The following MYRFL variants were observed in gnomAD, a reference collection of about 807,000 sequenced individuals.
MYRFL encodes myelin regulatory factor like.
Under a neutral mutation model 109.4 loss-of-function variants are expected in MYRFL, and 88 were observed. The observed-to-expected ratio is 0.80, with a 90% CI of 0.68 to 0.96. MYRFL has a LOEUF of 0.96. MYRFL is among the 40% of genes least tolerant of loss of function. MYRFL has a pLI of 0.00. For missense variants in MYRFL, 957 were observed against 954.9 expected (o/e 1.00, Z -0.03); for synonymous variants, 324 against 320.9 (o/e 1.01, Z -0.10).
At chr12:69,848,010 A>T (rs1883659046) in intron 1 of MYRFL, among the ~76,000 whole-genome samples, 1 of 152,124 alleles carries the variant, frequency 6.6e-6, no homozygotes, top group Non-Finnish European at 1.5e-5. Flanking sequence ...ATTATGGTTT[A>T]TCTAAATCCT....
chr12:69,933,915 A>G (rs1257567738), intron 16 of MYRFL, among the ~76,000 whole-genome samples: 2 of 152,132 alleles, frequency 1.3e-5, no homozygotes, highest in Non-Finnish European at 2.9e-5. Flanking sequence ...CTAAGACTGT[A>G]GATGGTAGGT....
rs745696599 is a variant in MYRFL at position 69,825,296 on chromosome 12, T to A, written c.-222T>A. 2.2e-5 allele frequency: 15 copies of A among 679,292 alleles called. No individual in the cohort carries two copies. The highest frequency in any genetic ancestry group is 3.5e-5 in the Non-Finnish European group (13 of 374,438). The allele number at this position is 679,292 out of a possible 1,614,324, so 42.1% of individuals were successfully genotyped here. ...CTCTTCCCTCTTCATGAATTTTTTT[T>A]AAATGTATGGTTGTATATCCTTCCA... is the stretch of plus-strand genomic sequence containing the variant. On this transcript the variant is annotated 5_prime_UTR_variant, in exon 1 of 25. It removes the in-frame stop codon of an upstream open reading frame in the 5' UTR. Coordinates refer to ENST00000552032, the MANE Select transcript of MYRFL (RefSeq NM_182530.3).
Position 69,958,373 on chromosome 12 carries a change from A to T in MYRFL, c.2646+50A>T, listed in dbSNP as rs74855150. ...TTCAGTGAGAAAGAAATTGAGCAAT[A>T]AAAAAAAATCACTTTAACCACAGTT... On this transcript the variant is annotated intron_variant, in intron 24 of 24. Transcript: ENST00000552032. 6.7e-3 allele frequency: 9,910 copies of T among 1,474,568 alleles called. 562 individuals are homozygous for T. In the African/African-American group the frequency reaches 0.12, roughly 18 times the overall value. 91.3% of individuals were successfully genotyped at this position (1,474,568 alleles called of 1,614,324 possible). A position where few individuals can be genotyped will look rare whatever the true frequency, so the allele number is the denominator to read the frequency against.
chr12:69,883,554 A>G (rs1447592708), intron 5 of MYRFL, among the ~76,000 whole-genome samples: 1 of 152,090 alleles, frequency 6.6e-6, no homozygotes, highest in Non-Finnish European at 1.5e-5. Flanking sequence ...TCCCATAAAC[A>G]TACTGTTGGG....
intron 19 of MYRFL, among the ~76,000 whole-genome samples, chr12:69,938,107 T>C (rs1354617665): frequency 1.3e-5 from 2 of 152,148 alleles, no homozygotes; most frequent in African/African-American, 4.8e-5. Flanking sequence ...CACTATGGAG[T>C]AGAACTAAAA....
intron 1 of MYRFL, among the ~76,000 whole-genome samples, chr12:69,827,828 G>A (rs1882383320): frequency 6.6e-6 from 1 of 151,948 alleles, no homozygotes; most frequent in Admixed American, 6.6e-5. Flanking sequence ...ACTTTCTATA[G>A]CAAAGTTTAT....
chr12:69,938,956 C>G (rs1416206534), intron 19 of MYRFL, among the ~76,000 whole-genome samples: 1 of 152,204 alleles, frequency 6.6e-6, no homozygotes, highest in Non-Finnish European at 1.5e-5. Context: ...AATCGGGTCA[C>G]TCCCACCCGA....
At chr12:69,940,737 G>C (rs1256133876) in intron 19 of MYRFL, among the ~76,000 whole-genome samples, 1 of 146,412 alleles carries the variant, frequency 6.8e-6, no homozygotes, top group Non-Finnish European at 1.5e-5. Flanking sequence ...ACACAGACTG[G>C]CAAATTGGAT....
intron 2 of MYRFL, among the ~76,000 whole-genome samples, chr12:69,860,964 T>G (rs1884621775): frequency 6.9e-6 from 1 of 145,516 alleles, no homozygotes; most frequent in African/African-American, 2.5e-5. Flanking sequence ...GTTCTCATTG[T>G]TCAGTTCCCA....
At chr12:69,875,129 A>ATT (rs61391400) in intron 2 of MYRFL, among the ~76,000 whole-genome samples, 1,658 of 149,252 alleles carry the variant, frequency 0.011, 8 homozygotes, top group Middle Eastern at 0.034. Flanking sequence ...TTATATCTTA[A>ATT]TTTTTTTTTC....
chr12:69,930,179 G>A (rs1036319138), intron 15 of MYRFL, among the ~76,000 whole-genome samples: 9 of 152,100 alleles, frequency 5.9e-5, no homozygotes, highest in African/African-American at 2.2e-4. Flanking sequence ...GTGTGTGAGT[G>A]GGGAGTGGTA....
At chr12:69,913,695 C>T (rs1030420312) in intron 13 of MYRFL, among the ~76,000 whole-genome samples, 30 of 152,150 alleles carry the variant, frequency 2.0e-4, no homozygotes. Context: ...TTTGATTACT[C>T]TAACTCTGTA....
chr12:69,874,800 T>C (rs570078754), intron 2 of MYRFL, among the ~76,000 whole-genome samples: 15 of 152,230 alleles, frequency 9.9e-5, no homozygotes, highest in Non-Finnish European at 1.9e-4. Flanking sequence ...GAGATTTTGA[T>C]TAGTCAGTGA....
rs762666002 is a variant in MYRFL at position 69,957,914 on chromosome 12, A to G, written c.2543A>G (p.His848Arg). 28 of 1,534,890 alleles carry G rather than the reference A, an allele frequency of 1.8e-5. No homozygotes were observed. The highest frequency in any genetic ancestry group is 2.4e-5 in the Non-Finnish European group (27 of 1,146,076). The part of the protein sequence containing the change: ...SKRGTKGLES[H>R]REISQEMTQG... ...AGGGGAACCAAAGGGCTGGAAAGCC[A>G]CAGAGAAATCTCCCAGGAGATGACA... Residue 848 changes from histidine (H) to arginine (R), a missense_variant, in exon 23 of 25, where the codon CAC (histidine) becomes CGC (arginine). Transcript: ENST00000552032.
intron 1 of MYRFL, among the ~76,000 whole-genome samples, chr12:69,836,438 A>G (rs1882947640): frequency 6.6e-6 from 1 of 152,194 alleles, no homozygotes; most frequent in Non-Finnish European, 1.5e-5. Context: ...GCACTCCCGC[A>G]TCAGTCCTAT....
intron 2 of MYRFL, among the ~76,000 whole-genome samples, chr12:69,859,944 CTTTTA>C (rs1225657407): frequency 6.6e-6 from 1 of 151,940 alleles, no homozygotes; most frequent in Non-Finnish European, 1.5e-5. Flanking sequence ...TTTTCTTCAA[CTTTTA>C]TTTTAAGTTC....
intron 7 of MYRFL, 91 bp downstream of exon 7, chr12:69,891,257 TTAAAA>T: frequency 2.0e-6 from 2 of 986,508 alleles, no homozygotes; most frequent in Non-Finnish European, 2.8e-6. Context: ...CCAAAATGAC[TTAAAA>T]TAATAACAGT....
chr12:69,827,882 A>G (rs568292070), intron 1 of MYRFL, among the ~76,000 whole-genome samples: 1 of 152,232 alleles, frequency 6.6e-6, no homozygotes, highest in Admixed American at 6.5e-5. Context: ...ATTCATGCAC[A>G]CACAAATACA....
chr12:69,904,805 A>C (rs1954302518), intron 11 of MYRFL, among the ~76,000 whole-genome samples: 1 of 152,164 alleles, frequency 6.6e-6, no homozygotes, highest in African/African-American at 2.4e-5. Flanking sequence ...CTGTGTTTTA[A>C]AAGTTCCTTT....
Sources: allele counts gnomAD v4.1 joint callset (sites outside exome capture counted in the v4.1 genomes callset), GRCh38; gene constraint gnomAD v4.1.1; transcripts MANE v1.5; gene names NCBI Gene and HGNC (gene_info 2026-07-23, HGNC 2026-07-21).